Variants in GRAMD2B observed in about 807,000 individuals in gnomAD.
GRAMD2B encodes the protein GRAM domain-containing protein 2B.
GRAMD2B carries 41 observed loss-of-function variants against 59.2 expected under a neutral mutation model. The observed-to-expected ratio is 0.69, with a 90% confidence interval of 0.54 to 0.90. GRAMD2B has a LOEUF of 0.90. Ranked by LOEUF, GRAMD2B falls within the 40% of genes least tolerant of loss-of-function variation. GRAMD2B has a pLI of 0.00. For missense variants in GRAMD2B, 424 were observed against 500.5 expected, an observed-to-expected ratio of 0.85 and a Z score of 1.46; for synonymous variants, 161 against 182.7, an observed-to-expected ratio of 0.88 and a Z score of 0.96.
At chr5:126,449,008 G>A (rs1435734599) in intron 1 of GRAMD2B, among the ~76,000 whole-genome samples, 12 of 152,178 alleles carry the variant, frequency 7.9e-5, no homozygotes, top group East Asian at 1.9e-4. Flanking sequence ...AAAGTCATCC[G>A]GGAAATCCAG....
chr5:126,405,302 A>G (rs1017214342), intron 1 of GRAMD2B, among the ~76,000 whole-genome samples: 1 of 151,884 alleles, frequency 6.6e-6, no homozygotes, highest in Non-Finnish European at 1.5e-5. Flanking sequence ...TCTTTTAAGT[A>G]CTTCTTAATT....
chr5:126,489,891 A>T (rs1362937820), intron 13 of GRAMD2B, among the ~76,000 whole-genome samples: 1 of 152,216 alleles, frequency 6.6e-6, no homozygotes, highest in Non-Finnish European at 1.5e-5. Context: ...TTGGGAAGAC[A>T]TATTTCTTCA....
chr5:126,449,666 TCTTCTC>T (rs1414072349), intron 1 of GRAMD2B, among the ~76,000 whole-genome samples: 1 of 152,222 alleles, frequency 6.6e-6, no homozygotes, highest in East Asian at 1.9e-4. Context: ...ACAGTGTCTT[TCTTCTC>T]TAGAAGTTGA....
chr5:126,446,430 A>T (rs183623954), intron 1 of GRAMD2B, among the ~76,000 whole-genome samples: 1 of 152,248 alleles, frequency 6.6e-6, no homozygotes, highest in Admixed American at 6.5e-5. Flanking sequence ...AAATAAGTGG[A>T]TACCCTTATT....
chr5:126,486,749 C>A (rs115297987), intron 11 of GRAMD2B, 124 bp from the exon 12 acceptor site: 10,637 of 617,842 alleles, frequency 0.017, 141 homozygotes, highest in Admixed American at 0.039. Flanking sequence ...TTTTTAAAAT[C>A]TTTTTACCAA....
At chr5:126,378,052 C>T (rs1213950129) in intron 1 of GRAMD2B, among the ~76,000 whole-genome samples, 1 of 151,940 alleles carries the variant, frequency 6.6e-6, no homozygotes, top group Admixed American at 6.6e-5. Flanking sequence ...GATATTTGTG[C>T]ATAATAGACT....
chr5:126,409,358 T>G (rs1461345486), intron 1 of GRAMD2B, among the ~76,000 whole-genome samples: 1 of 152,218 alleles, frequency 6.6e-6, no homozygotes, highest in Non-Finnish European at 1.5e-5. Context: ...TGTTGTTTCC[T>G]GACTTTTTAA....
At chr5:126,487,053 T>C in intron 12 of GRAMD2B, 76 bp downstream of exon 12, 1 of 771,786 alleles carries the variant, frequency 1.3e-6, no homozygotes, top group South Asian at 1.5e-5. Context: ...TTAGCATCCT[T>C]CTTAGTAAAC....
chr5:126,488,688 A>G (rs1379576450), intron 12 of GRAMD2B, 111 bp from the exon 13 acceptor site: 15 of 677,008 alleles, frequency 2.2e-5, no homozygotes, highest in Non-Finnish European at 3.6e-5. Context: ...TGAAATGTTC[A>G]TTCTCTTCTA....
chr5:126,491,234 T>TACCTCCCACTCCTGTTTTTCC (rs1456974484), intron 13 of GRAMD2B, among the ~76,000 whole-genome samples: 2 of 152,308 alleles, frequency 1.3e-5, no homozygotes, highest in East Asian at 3.9e-4. Context: ...TTCCTTTTTC[T>TACCTCCCACTCCTGTTTTTCC]ACCTCCCACT....
chr5:126,437,442 T>A (rs1272617885), intron 1 of GRAMD2B, among the ~76,000 whole-genome samples: 1 of 152,190 alleles, frequency 6.6e-6, no homozygotes, highest in Non-Finnish European at 1.5e-5. Flanking sequence ...CCTTTTTTAA[T>A]AGTTGTGGGA....
intron 1 of GRAMD2B, among the ~76,000 whole-genome samples, chr5:126,364,569 T>C (rs1754356355): frequency 6.6e-6 from 1 of 152,172 alleles, no homozygotes. Flanking sequence ...AGGGAGGAAT[T>C]CTACAAAGCA....
chr5:126,390,090 A>G (rs1034525170), intron 1 of GRAMD2B, among the ~76,000 whole-genome samples: 2 of 152,250 alleles, frequency 1.3e-5, no homozygotes, highest in African/African-American at 2.4e-5. Flanking sequence ...AGATGTCTTT[A>G]TAGTACATAT....
At chr5:126,410,346 G>T (rs909516174) in intron 1 of GRAMD2B, among the ~76,000 whole-genome samples, 3 of 151,552 alleles carry the variant, frequency 2.0e-5, no homozygotes, top group Non-Finnish European at 4.4e-5. Flanking sequence ...CCATTTCTTT[G>T]TATCCTCTTT....
In GRAMD2B at chr5:126,493,750, G is replaced by GA. The variant is rs953452610; in HGVS notation, c.*799dup. On this transcript the variant is annotated 3_prime_UTR_variant, in exon 14 of 14. Transcript: ENST00000285689. ...GTGTAATAGTGATTTAATACAGGAT[G>GA]AAAAACACTGAATTTTTAAGACTGT... 2.6e-5 allele frequency: 4 copies of GA among 152,500 alleles called. No homozygotes were observed. Among genetic ancestry groups the GA allele is most frequent in the African/African-American group, 9.7e-5 (4 of 41,422 alleles). The allele number at this position is 152,500 out of a possible 1,614,324, so 9.4% of individuals were successfully genotyped here. A position where few individuals can be genotyped will look rare whatever the true frequency, so the allele number is the denominator to read the frequency against.
At chr5:126,479,250 A>G (rs1771250437) in intron 6 of GRAMD2B, among the ~76,000 whole-genome samples, 1 of 151,872 alleles carries the variant, frequency 6.6e-6, no homozygotes, top group African/African-American at 2.4e-5. Flanking sequence ...TGTTGCCAAG[A>G]GCTGGTCTCA....
chr5:126,452,770 T>A (rs1765597040), intron 1 of GRAMD2B, among the ~76,000 whole-genome samples: 1 of 152,170 alleles, frequency 6.6e-6, no homozygotes, highest in African/African-American at 2.4e-5. Context: ...TCCTCACAGT[T>A]TTGTTCTCTC....
intron 13 of GRAMD2B, 43 bp from the exon 14 acceptor site, chr5:126,492,872 C>A (rs199650699): frequency 4.0e-5 from 50 of 1,257,716 alleles, no homozygotes; most frequent in Non-Finnish European, 5.5e-5. Context: ...TTAATATACT[C>A]CATTCTATTT....
upstream of GRAMD2B, among the ~76,000 whole-genome samples, chr5:126,420,088 A>G (rs1759607694): frequency 6.6e-6 from 1 of 151,524 alleles, no homozygotes. Flanking sequence ...GAAAGAAAAG[A>G]AAAGAAATCT....
Sources: gnomAD v4.1 joint callset for allele counts (sites outside exome capture counted in the v4.1 genomes callset) on GRCh38, gnomAD v4.1.1 for gene constraint, MANE v1.5 for transcripts, NCBI Gene and HGNC (gene_info 2026-07-23, HGNC 2026-07-21) for gene names.